The following TMEM14B variants were observed in gnomAD, a reference collection of about 807,000 sequenced individuals.
TMEM14B encodes the protein transmembrane protein 14B.
In TMEM14B, 9 loss-of-function variants were observed where a neutral mutation model predicts 14.8. That is an observed-to-expected ratio of 0.61 (90% CI 0.37 to 1.06). TMEM14B has a LOEUF of 1.06. Among genes scored for constraint, TMEM14B ranks in the 50% least tolerant of loss-of-function variants. The pLI is 0.01. For missense variants in TMEM14B, 128 were observed against 143.6 expected (o/e 0.89, Z 0.56); for synonymous variants, 40 against 51.3 (o/e 0.78, Z 0.94).
chr6:10,751,147 C>G lies in TMEM14B; in HGVS notation c.115C>G (p.Leu39Val), dbSNP rs1771540691. Residue 39 changes from leucine to valine, a missense_variant, in exon 4 of 6, where the codon CTG becomes GTG. Coordinates refer to ENST00000379542, the MANE Select transcript of TMEM14B (RefSeq NM_030969.5). ...CTTCCTTCTAGGCAGCGTGCCGTCC[C>G]TGGCTGCAGGGCTGCTCTTCGGCAG... is the stretch of plus-strand genomic sequence containing the variant. Reference protein sequence around the residue: ...GYVKTGSVPSLAAGLLFGSLA... With the variant: ...GYVKTGSVPSVAAGLLFGSLA... 1 of 1,613,734 alleles carries G rather than the reference C, an allele frequency of 6.2e-7. No individual in the cohort carries two copies. The highest frequency in any genetic ancestry group is 1.3e-5 in the African/African-American group (1 of 74,756).
At chr6:10,753,125 A>G (rs1054130409) in intron 4 of TMEM14B, among the ~76,000 whole-genome samples, 6 of 151,870 alleles carry the variant, frequency 4.0e-5, no homozygotes, top group Non-Finnish European at 7.4e-5. Flanking sequence ...AATCCCAGCC[A>G]CTCAGGAGGT....
chr6:10,749,358 C>T, intron 2 of TMEM14B, 90 bp downstream of exon 2: 2 of 1,528,796 alleles, frequency 1.3e-6, no homozygotes, highest in Admixed American at 1.7e-5. Flanking sequence ...TAAGAGTAGA[C>T]TGCCTGGGAT....
intron 4 of TMEM14B, 92 bp downstream of exon 4, chr6:10,751,326 TC>T: frequency 1.4e-6 from 2 of 1,421,872 alleles, no homozygotes; most frequent in Non-Finnish European, 1.9e-6. Context: ...AGCGAGTTCT[TC>T]CCACTTAATT....
At position 10,756,495 on chromosome 6, in the gene TMEM14B, C is replaced by G. The variant is rs72821581; in HGVS notation, c.322C>G (p.Arg108Gly). The G allele has an allele frequency of 7.0e-7, 1 of 1,437,340 alleles. No individual in the cohort carries two copies. Among genetic ancestry groups the G allele is most frequent in the Admixed American group, 1.8e-5 (1 of 56,722 alleles). The allele number at this position is 1,437,340 out of a possible 1,614,324, so 89.0% of individuals were successfully genotyped here. A position where few individuals can be genotyped will look rare whatever the true frequency, so the allele number is the denominator to read the frequency against. ...SLLMAAKVGV[R>G]MLMTSD ...GCTGATGGCCGCCAAAGTTGGAGTT[C>G]GTATGTTGATGACATCTGATTAGCA... The change falls in exon 6 of 6, where the codon CGT (arginine) becomes GGT (glycine). Residue 108 changes from arginine to glycine, a missense_variant. Physicochemically the swap from Arg to Gly is moderately radical, Grantham distance 125. Coordinates refer to ENST00000379542, the MANE Select transcript of TMEM14B (RefSeq NM_030969.5).
intron 3 of TMEM14B, 137 bp from the exon 4 acceptor site, chr6:10,750,996 C>T: frequency 1.0e-6 from 1 of 981,756 alleles, no homozygotes; most frequent in Admixed American, 2.6e-5. Context: ...TAACGCCTTC[C>T]TGCTTGAGTC....
intron 4 of TMEM14B, 21 bp from the exon 5 acceptor site, chr6:10,755,121 C>A: frequency 6.2e-7 from 1 of 1,612,256 alleles, no homozygotes; most frequent in Non-Finnish European, 8.5e-7. Flanking sequence ...GAGTTTTGAC[C>A]CTTCTTTGTA....
intron 4 of TMEM14B, among the ~76,000 whole-genome samples, chr6:10,754,261 C>T (rs747604464): frequency 6.6e-6 from 1 of 152,236 alleles, no homozygotes; most frequent in Non-Finnish European, 1.5e-5. Context: ...ATGCATCCCT[C>T]TGCTTAGTAT....
chr6:10,758,611 G>A (rs542841102), downstream of TMEM14B, among the ~76,000 whole-genome samples: 1 of 152,276 alleles, frequency 6.6e-6, no homozygotes, highest in South Asian at 2.1e-4. Context: ...CTAAACAAAG[G>A]CAGTATAGAA....
rs757456330 is a variant in TMEM14B at position 10,751,138 on chromosome 6, G to T, written c.106G>T (p.Val36Leu). 1 of 1,613,542 alleles carries T rather than the reference G, an allele frequency of 6.2e-7. No individual in the cohort carries two copies. Among genetic ancestry groups the T allele is most frequent in the African/African-American group, 1.3e-5 (1 of 74,758 alleles). Residue 36 changes from valine to leucine, a missense_variant, in exon 4 of 6, where the codon GTG (valine) becomes TTG (leucine). By Grantham distance (32) the Val-to-Leu change is conservative. Transcript: ENST00000379542. ...CTGCGTTTGCTTCCTTCTAGGCAGCGTGCCGTCCCTGGCTGCAGGGCTGCT... is the reference window on the plus strand; with the variant it reads ...CTGCGTTTGCTTCCTTCTAGGCAGCTTGCCGTCCCTGGCTGCAGGGCTGCT... Reference protein sequence around the residue: ...GIVGYVKTGSVPSLAAGLLFG... With the variant: ...GIVGYVKTGSLPSLAAGLLFG...
intron 1 of TMEM14B, 96 bp from the exon 2 acceptor site, chr6:10,749,106 G>C (rs1360981060): frequency 5.2e-6 from 4 of 766,150 alleles, no homozygotes; most frequent in Non-Finnish European, 9.1e-6. Context: ...AGGATACTGA[G>C]ACTTAGGTTG....
intron 5 of TMEM14B, 99 bp from the exon 6 acceptor site, chr6:10,756,368 C>G (rs1771800711): frequency 1.4e-6 from 2 of 1,407,280 alleles, no homozygotes; most frequent in Non-Finnish European, 2.0e-6. Flanking sequence ...CCTCCTCCCC[C>G]ACACAGTTGT....
At chr6:10,753,629 A>G (rs561534263) in intron 4 of TMEM14B, among the ~76,000 whole-genome samples, 24 of 151,694 alleles carry the variant, frequency 1.6e-4, no homozygotes, top group African/African-American at 5.6e-4. Context: ...CTGGACTCTC[A>G]TGTATTCATC....
chr6:10,748,508 C>G (rs1235659451), intron 1 of TMEM14B, among the ~76,000 whole-genome samples: 1 of 152,226 alleles, frequency 6.6e-6, no homozygotes, highest in Non-Finnish European at 1.5e-5. Flanking sequence ...CTGCCTGGGC[C>G]TCCCAAAGTA....
At chr6:10,751,931 G>A (rs1440767419) in intron 4 of TMEM14B, among the ~76,000 whole-genome samples, 1 of 152,092 alleles carries the variant, frequency 6.6e-6, no homozygotes, top group Non-Finnish European at 1.5e-5. Flanking sequence ...CTCCACCCAT[G>A]TGTCAGACAC....
chr6:10,755,106 C>A, intron 4 of TMEM14B, 36 bp from the exon 5 acceptor site: 1 of 1,609,630 alleles, frequency 6.2e-7, no homozygotes, highest in Admixed American at 1.7e-5. Context: ...GCGTAGAAGA[C>A]TAATGAGTTT....
Position 10,749,608 on chromosome 6 carries a change from T to G in TMEM14B, c.24-14T>G. 6.2e-7 allele frequency: 1 copy of G among 1,614,220 alleles called. No individual in the cohort carries two copies. The highest frequency in any genetic ancestry group is 1.3e-5 in the African/African-American group (1 of 75,080). Reference sequence around the variant, plus strand: ...TTAGCACTGACTTCTCACTGACTTCTCTTGTGTTTTCAGAGTGCCTTTGCA... The same window carrying G: ...TTAGCACTGACTTCTCACTGACTTCGCTTGTGTTTTCAGAGTGCCTTTGCA... On this transcript the variant is annotated splice_polypyrimidine_tract_variant and intron_variant, in intron 2 of 5. Transcript: ENST00000379542.
intron 4 of TMEM14B, among the ~76,000 whole-genome samples, chr6:10,751,477 C>G (rs1771565785): frequency 6.6e-6 from 1 of 152,006 alleles, no homozygotes; most frequent in Non-Finnish European, 1.5e-5. Context: ...AATTGTGTGA[C>G]TCTCAGAAAG....
intron 1 of TMEM14B, among the ~76,000 whole-genome samples, chr6:10,748,853 A>G (rs1335446707): frequency 6.6e-6 from 1 of 152,244 alleles, no homozygotes; most frequent in Admixed American, 6.5e-5. Context: ...TAGTTGGATT[A>G]AGGGCACGGG....
downstream of TMEM14B, chr6:10,759,673 G>C (rs1482134546): frequency 6.6e-6 from 1 of 152,176 alleles, no homozygotes; most frequent in Non-Finnish European, 1.5e-5. Context: ...CAGGCCATCT[G>C]TGTCCCAGCT....
Sources: gnomAD v4.1 joint callset for allele counts (sites outside exome capture counted in the v4.1 genomes callset) on GRCh38, gnomAD v4.1.1 for gene constraint, MANE v1.5 for transcripts, NCBI Gene and HGNC (gene_info 2026-07-23, HGNC 2026-07-21) for gene names.